The following GALR3 variants were observed in gnomAD, a reference collection of about 807,000 sequenced individuals.
GALR3 encodes galanin receptor type 3.
GALR3 carries 5 observed loss-of-function variants against 6.9 expected under a neutral mutation model. The observed-to-expected ratio is 0.72, with a 90% CI of 0.38 to 1.52. GALR3 has a LOEUF of 1.52. GALR3 is among the 40% of genes most tolerant of loss of function. The probability of loss-of-function intolerance (pLI) is 0.03; values close to 1 mark genes in which losing one functional copy is unlikely to be tolerated. For missense variants in GALR3, 570 were observed against 545.6 expected, an observed-to-expected ratio of 1.04 and a Z score of -0.44; for synonymous variants, 308 against 263.6, an observed-to-expected ratio of 1.17 and a Z score of -1.63.
At position 37,824,847 on chromosome 22, in the gene GALR3, G is replaced by T; in HGVS notation, c.484G>T (p.Gly162Cys). Residue 162 changes from glycine to cysteine, a missense_variant, in exon 2 of 2, where the codon GGC (glycine) becomes TGC (cysteine). Physicochemically the swap from Gly to Cys is radical, Grantham distance 159. Transcript: ENST00000249041. ...LFSAPYLSYY[G>C]TVRYGALELC... is the part of the protein sequence containing the mutation. ...CTCGGCGCCCTACCTCAGCTACTAC[G>T]GCACCGTGCGCTACGGCGCGCTGGA... 7.1e-7 allele frequency: 1 copy of T among 1,417,844 alleles called. No individual in the cohort carries two copies. Among genetic ancestry groups the T allele is most frequent in the East Asian group, 2.9e-5 (1 of 34,496 alleles). The allele number at this position is 1,417,844 out of a possible 1,614,324, so 87.8% of individuals were successfully genotyped here. A position where few individuals can be genotyped will look rare whatever the true frequency, so the allele number is the denominator to read the frequency against.
intron 1 of GALR3, 31 bp from the exon 2 acceptor site, chr22:37,824,692 G>A (rs1922542423): frequency 3.4e-6 from 4 of 1,185,614 alleles, no homozygotes; most frequent in South Asian, 8.4e-5. Flanking sequence ...GAGGGCACCT[G>A]CCCGCCCCGC....
chr22:37,824,618 C>G, intron 1 of GALR3, 105 bp from the exon 2 acceptor site: 1 of 617,088 alleles, frequency 1.6e-6, no homozygotes, highest in Non-Finnish European at 2.2e-6. Context: ...ACGTCCCCCA[C>G]GGTTCACAGG....
chr22:37,824,930 C>T lies in GALR3; in HGVS notation c.567C>T (p.Phe189=). The T allele has an allele frequency of 7.5e-7, 1 of 1,336,724 alleles. No homozygotes were observed. Among genetic ancestry groups the T allele is most frequent in the Non-Finnish European group, 9.6e-7 (1 of 1,038,934 alleles). The allele number at this position is 1,336,724 out of a possible 1,614,324, so 82.8% of individuals were successfully genotyped here. A position where few individuals can be genotyped will look rare whatever the true frequency, so the allele number is the denominator to read the frequency against. ...GCCGCGCCCTGGACGTGGCCACCTT[C>T]GCTGCCGGCTACCTGCTGCCCGTGG... ...ARRRALDVAT[F]AAGYLLPVAV... Residue 189 remains phenylalanine (F), a synonymous_variant, in exon 2 of 2, where the codon TTC becomes TTT. Coordinates refer to ENST00000249041, the MANE Select transcript of GALR3 (RefSeq NM_003614.2).
At position 37,825,155 on chromosome 22, in the gene GALR3, CT is replaced by C; in HGVS notation, c.794del (p.Phe265SerfsTer?). ...ILCFWYGRFA[F>X]SPATYACRLA... ...TGTGCTTCTGGTACGGCCGCTTCGCCTTCAGCCCGGCCACCTACGCCTGCCG... is the reference window on the plus strand; with the variant it reads ...TGTGCTTCTGGTACGGCCGCTTCGCCTCAGCCCGGCCACCTACGCCTGCCG... On this transcript the variant is annotated frameshift_variant, in exon 2 of 2. Coordinates refer to ENST00000249041, the MANE Select transcript of GALR3 (RefSeq NM_003614.2). LOFTEE classifies it low-confidence loss of function (END_TRUNC). The C allele has an allele frequency of 6.7e-7, 1 of 1,482,480 alleles. No homozygotes were observed. The highest frequency in any genetic ancestry group is 9.0e-7 in the Non-Finnish European group (1 of 1,111,736). The allele number at this position is 1,482,480 out of a possible 1,614,324, so 91.8% of individuals were successfully genotyped here.
Position 37,823,779 on chromosome 22 carries a change from G to A in GALR3, c.359+14G>A. ...CTCCGTGGACAGGTGCGCTGTGCCT[G>A]GGGCCTGGCTGGGCAGGGCTGTGGG... is the stretch of plus-strand genomic sequence containing the variant. On this transcript the variant is annotated intron_variant, in intron 1 of 1. Coordinates refer to ENST00000249041, the MANE Select transcript of GALR3 (RefSeq NM_003614.2). 1.3e-6 allele frequency: 2 copies of A among 1,520,798 alleles called. No individual in the cohort carries two copies. The highest frequency in any genetic ancestry group is 1.8e-6 in the Non-Finnish European group (2 of 1,104,520). The allele number at this position is 1,520,798 out of a possible 1,614,324, so 94.2% of individuals were successfully genotyped here.
intron 1 of GALR3, 103 bp downstream of exon 1, chr22:37,823,868 G>A (rs757738516): frequency 9.6e-5 from 65 of 674,638 alleles, no homozygotes; most frequent in Non-Finnish European, 1.1e-4. Flanking sequence ...GAGAGTGGGG[G>A]ACCAGAAAGG....
At position 37,824,979 on chromosome 22, in the gene GALR3, C is replaced by A. The variant is rs542736734; in HGVS notation, c.616C>A (p.Arg206Ser). The part of the protein sequence containing the change: ...PVAVVSLAYG[R>S]TLRFLWAAVG... ...GGCTGTGGTGAGCCTGGCCTACGGG[C>A]GCACGCTGCGCTTCCTGTGGGCCGC... Residue 206 changes from arginine (R) to serine (S), a missense_variant, in exon 2 of 2, where the codon CGC becomes AGC. By Grantham distance (110) the Arg-to-Ser change is moderately radical. Transcript: ENST00000249041. The A allele has an allele frequency of 1.5e-5, 19 of 1,231,912 alleles. No individual in the cohort carries two copies. Among genetic ancestry groups the A allele is most frequent in the African/African-American group, 1.4e-4 (9 of 63,430 alleles). 76.3% of individuals were successfully genotyped at this position (1,231,912 alleles called of 1,614,324 possible).
chr22:37,824,663 G>A, intron 1 of GALR3, 60 bp from the exon 2 acceptor site: 1 of 1,067,776 alleles, frequency 9.4e-7, no homozygotes, highest in Non-Finnish European at 1.2e-6. Flanking sequence ...GGCGCGGGAC[G>A]TGGCGCGGGC....
In GALR3 at chr22:37,823,389, T is replaced by A; in HGVS notation, c.-18T>A. On this transcript the variant is annotated 5_prime_UTR_variant, in exon 1 of 2. Coordinates refer to ENST00000249041, the MANE Select transcript of GALR3 (RefSeq NM_003614.2). Reference sequence around the variant, plus strand: ...GAGGATTCCAGCTTCTCTTCCCAGGTGCCCGTCTGATGGGGAGATGGCTGA... The same window carrying A: ...GAGGATTCCAGCTTCTCTTCCCAGGAGCCCGTCTGATGGGGAGATGGCTGA... The A allele has an allele frequency of 6.6e-7, 1 of 1,523,818 alleles. No individual in the cohort carries two copies. The highest frequency in any genetic ancestry group is 8.9e-7 in the Non-Finnish European group (1 of 1,121,280). 94.4% of individuals were successfully genotyped at this position (1,523,818 alleles called of 1,614,324 possible).
rs1333676301 is a variant in GALR3, at chr22:37,824,885, C to T, written c.522C>T (p.Pro174=). 1.4e-6 allele frequency: 2 copies of T among 1,386,446 alleles called. No individual in the cohort carries two copies. The highest frequency in any genetic ancestry group is 1.9e-6 in the Non-Finnish European group (2 of 1,066,358). The allele number at this position is 1,386,446 out of a possible 1,614,324, so 85.9% of individuals were successfully genotyped here. A position where few individuals can be genotyped will look rare whatever the true frequency, so the allele number is the denominator to read the frequency against. Reference sequence around the variant, plus strand: ...ACGGCGCGCTGGAGCTCTGCGTGCCCGCCTGGGAGGACGCGCGCCGCCGCG... The same window carrying T: ...ACGGCGCGCTGGAGCTCTGCGTGCCTGCCTGGGAGGACGCGCGCCGCCGCG... The part of the protein sequence containing the change: ...VRYGALELCV[P]AWEDARRRAL... Residue 174 remains proline, a synonymous_variant, in exon 2 of 2, where the codon CCC becomes CCT. Coordinates refer to ENST00000249041, the MANE Select transcript of GALR3 (RefSeq NM_003614.2).
chr22:37,823,389 T>C lies in GALR3; in HGVS notation c.-18T>C. The C allele has an allele frequency of 6.6e-7, 1 of 1,523,818 alleles. No individual in the cohort carries two copies. The highest frequency in any genetic ancestry group is 1.9e-5 in the Admixed American group (1 of 52,680). 94.4% of individuals were successfully genotyped at this position (1,523,818 alleles called of 1,614,324 possible). The stretch of plus-strand genomic sequence containing the variant: ...GAGGATTCCAGCTTCTCTTCCCAGG[T>C]GCCCGTCTGATGGGGAGATGGCTGA... On this transcript the variant is annotated 5_prime_UTR_variant, in exon 1 of 2. Coordinates refer to ENST00000249041, the MANE Select transcript of GALR3 (RefSeq NM_003614.2).
intron 1 of GALR3, among the ~76,000 whole-genome samples, chr22:37,824,058 G>A (rs1392982868): frequency 3.3e-5 from 5 of 151,928 alleles, no homozygotes; most frequent in African/African-American, 9.7e-5. Flanking sequence ...CTCTGTAAGC[G>A]CGAAATGAAT....
chr22:37,824,849 C>T lies in GALR3; in HGVS notation c.486C>T (p.Gly162=). 7.1e-7 allele frequency: 1 copy of T among 1,418,414 alleles called. No homozygotes were observed. The highest frequency in any genetic ancestry group is 1.5e-5 in the South Asian group (1 of 67,950). The allele number at this position is 1,418,414 out of a possible 1,614,324, so 87.9% of individuals were successfully genotyped here. Residue 162 remains glycine, a synonymous_variant, in exon 2 of 2, where the codon GGC becomes GGT. Coordinates refer to ENST00000249041, the MANE Select transcript of GALR3 (RefSeq NM_003614.2). ...CGGCGCCCTACCTCAGCTACTACGGCACCGTGCGCTACGGCGCGCTGGAGC... is the reference window on the plus strand; with the variant it reads ...CGGCGCCCTACCTCAGCTACTACGGTACCGTGCGCTACGGCGCGCTGGAGC... ...LFSAPYLSYY[G]TVRYGALELC...
Position 37,824,772 on chromosome 22 carries a change from C to T in GALR3, c.409C>T (p.Arg137Cys). The change falls in exon 2 of 2, where the codon CGT becomes TGT. Residue 137 changes from arginine (R) to cysteine (C), a missense_variant. By Grantham distance (180) the Arg-to-Cys change is radical (BLOSUM62 -3). Coordinates refer to ENST00000249041, the MANE Select transcript of GALR3 (RefSeq NM_003614.2). ...GCGCTCGCGCGCCCTGCGCACGCCGCGTAACGCCCGCGCCGCAGTGGGGCT... is the reference window on the plus strand; with the variant it reads ...GCGCTCGCGCGCCCTGCGCACGCCGTGTAACGCCCGCGCCGCAGTGGGGCT... Reference protein sequence around the residue: ...PLRSRALRTPRNARAAVGLVW... With the variant: ...PLRSRALRTPCNARAAVGLVW... The T allele has an allele frequency of 7.8e-7, 1 of 1,284,902 alleles. No individual in the cohort carries two copies. Among genetic ancestry groups the T allele is most frequent in the Non-Finnish European group, 9.8e-7 (1 of 1,017,526 alleles). The allele number at this position is 1,284,902 out of a possible 1,614,324, so 79.6% of individuals were successfully genotyped here.
At chr22:37,823,810 G>A (rs779526322) in intron 1 of GALR3, 45 bp downstream of exon 1, 1 of 1,117,226 alleles carries the variant, frequency 9.0e-7, no homozygotes, top group Non-Finnish European at 1.3e-6. Flanking sequence ...GTGGGGGCGG[G>A]GGTTGGGGGA....
chr22:37,824,732 C>A lies in GALR3; in HGVS notation c.369C>A (p.Ala123=), dbSNP rs1922544316. 1 of 1,224,644 alleles carries A rather than the reference C, an allele frequency of 8.2e-7. No homozygotes were observed. Among genetic ancestry groups the A allele is most frequent in the South Asian group, 3.4e-5 (1 of 29,366 alleles). 75.9% of individuals were successfully genotyped at this position (1,224,644 alleles called of 1,614,324 possible). A position where few individuals can be genotyped will look rare whatever the true frequency, so the allele number is the denominator to read the frequency against. The change falls in exon 2 of 2, where the codon GCC becomes GCA. Residue 123 remains alanine, a synonymous_variant. Transcript: ENST00000249041. ...CAGGCGCCCTCCGCAGGTACCTGGC[C>A]GTGCGGCACCCGCTGCGCTCGCGCG... ...LAAVSVDRYL[A]VRHPLRSRAL...
At position 37,823,463 on chromosome 22, in the gene GALR3, A is replaced by T; in HGVS notation, c.57A>T (p.Ala19=). The part of the protein sequence containing the change: ...LDSPGSVGAV[A]VPVVFALIFL... ...GCCCAGGGAGTGTGGGGGCCGTGGCAGTGCCTGTGGTCTTTGCCCTAATCT... is the reference window on the plus strand; with the variant it reads ...GCCCAGGGAGTGTGGGGGCCGTGGCTGTGCCTGTGGTCTTTGCCCTAATCT... The change falls in exon 1 of 2, where the codon GCA becomes GCT. Residue 19 remains alanine (A), a synonymous_variant. Transcript: ENST00000249041. 1.2e-6 allele frequency: 2 copies of T among 1,609,252 alleles called. No homozygotes were observed. The highest frequency in any genetic ancestry group is 8.5e-7 in the Non-Finnish European group (1 of 1,176,828).
rs745519233 is a variant in GALR3 at position 37,825,131 on chromosome 22, G to C, written c.768G>C (p.Leu256=). 6.9e-7 allele frequency: 1 copy of C among 1,456,416 alleles called. No homozygotes were observed. The highest frequency in any genetic ancestry group is 9.1e-7 in the Non-Finnish European group (1 of 1,096,394). 90.2% of individuals were successfully genotyped at this position (1,456,416 alleles called of 1,614,324 possible). ...LCWGPHHALI[L]CFWYGRFAFS... ...GGGGTCCGCACCACGCGCTCATCCT[G>C]TGCTTCTGGTACGGCCGCTTCGCCT... is the stretch of plus-strand genomic sequence containing the variant. The change falls in exon 2 of 2, where the codon CTG becomes CTC. Residue 256 remains leucine (L), a synonymous_variant. Coordinates refer to ENST00000249041, the MANE Select transcript of GALR3 (RefSeq NM_003614.2).
rs1922511983 is a variant in GALR3 at position 37,823,725 on chromosome 22, T to C, written c.319T>C (p.Tyr107His). 1.2e-6 allele frequency: 2 copies of C among 1,612,726 alleles called. No homozygotes were observed. Among genetic ancestry groups the C allele is most frequent in the South Asian group, 2.2e-5 (2 of 91,034 alleles). ...AVHLLIYLTM[Y>H]ASSFTLAAVS... ...GCACCTGCTCATCTACCTCACCATG[T>C]ACGCCAGCAGCTTTACGCTGGCTGC... Residue 107 changes from tyrosine to histidine, a missense_variant, in exon 1 of 2, where the codon TAC (tyrosine) becomes CAC (histidine). Transcript: ENST00000249041.
Sources: gnomAD v4.1 joint callset for allele counts (sites outside exome capture counted in the v4.1 genomes callset) on GRCh38, gnomAD v4.1.1 for gene constraint, MANE v1.5 for transcripts, NCBI Gene and HGNC (gene_info 2026-07-23, HGNC 2026-07-21) for gene names.